Variants in TENM2 observed in about 807,000 individuals in gnomAD.
TENM2 encodes teneurin transmembrane protein 2.
A neutral mutation model predicts 245.2 loss-of-function variants in TENM2; 52 were observed. The ratio of observed to expected loss-of-function variants is 0.21; its 90% CI spans 0.17 to 0.27. The LOEUF (loss-of-function observed/expected upper bound fraction) is 0.27. Among genes scored for constraint, TENM2 ranks in the 10% least tolerant of loss-of-function variants. The probability of loss-of-function intolerance (pLI) is 1.00; values close to 1 mark genes in which losing one functional copy is unlikely to be tolerated. For synonymous variants in TENM2, 1,363 were observed against 1,438.9 expected, an observed-to-expected ratio of 0.95 and a Z score of 1.19; for missense variants, 3,046 against 3,666.8, an observed-to-expected ratio of 0.83 and a Z score of 4.37.
intron 2 of TENM2, among the ~76,000 whole-genome samples, chr5:167,838,749 C>T (rs1404574218): frequency 6.6e-6 from 1 of 152,132 alleles, no homozygotes; most frequent in Non-Finnish European, 1.5e-5. Flanking sequence ...CTGCTTTTTT[C>T]ATCACCTATA....
intron 2 of TENM2, among the ~76,000 whole-genome samples, chr5:167,536,676 A>G (rs746753766): frequency 2.0e-5 from 3 of 152,152 alleles, no homozygotes; most frequent in Non-Finnish European, 4.4e-5. Context: ...TGCTTGCCCT[A>G]AGGCCTCAGA....
the TENM2 span, among the ~76,000 whole-genome samples, chr5:167,211,847 C>G: frequency 6.6e-6 from 1 of 152,040 alleles, no homozygotes; most frequent in Non-Finnish European, 1.5e-5. Flanking sequence ...AATGTATTGA[C>G]AGATTGCACA....
At position 167,646,227 on chromosome 5, in the gene TENM2, A is replaced by ATATG. The variant is rs1554095031; in HGVS notation, c.503-229757_503-229754dup. ...TATATATATATATATATATATATATATATGTTGTTTTCTTATATATATGAA... is the reference window on the plus strand; with the variant it reads ...TATATATATATATATATATATATATATATGTATGTTGTTTTCTTATATATATGAA... On this transcript the variant is annotated intron_variant, in intron 2 of 28. Coordinates refer to ENST00000518659, the Ensembl canonical transcript of TENM2. 2.0e-4 allele frequency among the ~76,000 whole-genome samples: 26 copies of ATATG among 132,888 alleles called. 2 individuals carry two copies. Among genetic ancestry groups the ATATG allele is most frequent in the Admixed American group, 1.8e-3 (25 of 13,928 alleles). 87.2% of individuals were successfully genotyped at this position (132,888 alleles called of 152,430 possible).
At chr5:167,020,525 G>T in the TENM2 span, among the ~76,000 whole-genome samples, 1 of 152,162 alleles carries the variant, frequency 6.6e-6, no homozygotes, top group Non-Finnish European at 1.5e-5. Context: ...GGGGTGAAAG[G>T]TTTTGCTAGT....
At chr5:167,072,138 A>G in the TENM2 span, among the ~76,000 whole-genome samples, 306 of 152,228 alleles carry the variant, frequency 2.0e-3, no homozygotes, top group Non-Finnish European at 3.2e-3. Flanking sequence ...AGAAAATCCT[A>G]CACACTGCCT....
intron 3 of TENM2, among the ~76,000 whole-genome samples, chr5:167,889,921 G>A (rs546642008): frequency 6.6e-6 from 1 of 152,190 alleles, no homozygotes; most frequent in Admixed American, 6.5e-5. Context: ...ACACTAGGCA[G>A]ACTTGGCCTT....
intron 1 of TENM2, among the ~76,000 whole-genome samples, chr5:167,356,043 A>G (rs1403676082): frequency 1.3e-5 from 2 of 151,322 alleles, no homozygotes; most frequent in African/African-American, 4.9e-5. Flanking sequence ...TTAGCTGGGC[A>G]TGATGGCGGG....
chr5:167,748,614 G>C (rs1395368523), intron 2 of TENM2, among the ~76,000 whole-genome samples: 4 of 151,800 alleles, frequency 2.6e-5, no homozygotes, highest in Non-Finnish European at 5.9e-5. Flanking sequence ...CCCAAGACTG[G>C]GTAATTTATA....
the TENM2 span, among the ~76,000 whole-genome samples, chr5:167,197,982 A>C: frequency 2.0e-5 from 3 of 151,974 alleles, no homozygotes; most frequent in African/African-American, 7.2e-5. Flanking sequence ...GAAAGGAATC[A>C]AGGAAGACAG....
intron 2 of TENM2, among the ~76,000 whole-genome samples, chr5:167,727,358 C>T (rs558461144): frequency 5.9e-5 from 9 of 152,158 alleles, no homozygotes; most frequent in African/African-American, 1.2e-4. Flanking sequence ...GTGATCCTCC[C>T]GCCTCAGCCT....
chr5:168,037,499 CAATTT>C (rs1227873206), intron 5 of TENM2, among the ~76,000 whole-genome samples: 4 of 145,472 alleles, frequency 2.7e-5, no homozygotes, highest in Non-Finnish European at 6.0e-5. Context: ...CATAGAAACT[CAATTT>C]AATGAATTTA....
intron 2 of TENM2, among the ~76,000 whole-genome samples, chr5:167,490,156 A>G (rs1232913003): frequency 6.6e-6 from 1 of 152,120 alleles, no homozygotes; most frequent in African/African-American, 2.4e-5. Flanking sequence ...TTTCTCAACC[A>G]CCGCAGTTAC....
chr5:167,442,719 A>G (rs1764940626), intron 2 of TENM2, among the ~76,000 whole-genome samples: 2 of 152,214 alleles, frequency 1.3e-5, no homozygotes, highest in African/African-American at 4.8e-5. Flanking sequence ...GAGATTTAAG[A>G]GTTCTCTGAA....
At chr5:167,845,996 C>G (rs1770007499) in intron 2 of TENM2, among the ~76,000 whole-genome samples, 1 of 152,148 alleles carries the variant, frequency 6.6e-6, no homozygotes, top group Non-Finnish European at 1.5e-5. Flanking sequence ...TCCTTCACCC[C>G]ATCTTCTTCG....
chr5:168,260,973 A>G (rs1768132296), intron 28 of TENM2, among the ~76,000 whole-genome samples: 1 of 152,120 alleles, frequency 6.6e-6, no homozygotes, highest in African/African-American at 2.4e-5. Context: ...CGTTCAGATA[A>G]CCCCTGCTAC....
At chr5:167,043,362 A>G in the TENM2 span, among the ~76,000 whole-genome samples, 1 of 152,228 alleles carries the variant, frequency 6.6e-6, no homozygotes, top group Non-Finnish European at 1.5e-5. Context: ...AGATACAGTC[A>G]AAGAAAGGAA....
the TENM2 span, among the ~76,000 whole-genome samples, chr5:167,211,947 T>G: frequency 6.6e-6 from 1 of 152,188 alleles, no homozygotes; most frequent in Non-Finnish European, 1.5e-5. Context: ...TTTGTCTCAT[T>G]TTACAGATGA....
the TENM2 span, among the ~76,000 whole-genome samples, chr5:167,147,936 G>T: frequency 6.6e-6 from 1 of 152,050 alleles, no homozygotes; most frequent in Non-Finnish European, 1.5e-5. Context: ...AGAGGAGAAC[G>T]ATTTCTGACT....
intron 2 of TENM2, among the ~76,000 whole-genome samples, chr5:167,577,793 C>T (rs903563547): frequency 2.6e-5 from 4 of 152,102 alleles, no homozygotes; most frequent in Admixed American, 6.5e-5. Context: ...CCCCTAACAA[C>T]AACAAAAGAT....
Sources: allele counts gnomAD v4.1 joint callset (sites outside exome capture counted in the v4.1 genomes callset), GRCh38; gene constraint gnomAD v4.1.1; transcripts MANE v1.5; gene names NCBI Gene and HGNC (gene_info 2026-07-23, HGNC 2026-07-21).